Variants in MICALL1 observed in about 807,000 individuals in gnomAD.
MICALL1 encodes MICAL like 1.
A neutral mutation model predicts 83.7 loss-of-function variants in MICALL1; 61 were observed. That is an observed-to-expected ratio of 0.73 (90% CI 0.59 to 0.90). The LOEUF (loss-of-function observed/expected upper bound fraction) is 0.90, where lower values mean the gene tolerates loss of function less well. Among genes scored for constraint, MICALL1 ranks in the 40% least tolerant of loss-of-function variants. The pLI, the probability that MICALL1 is intolerant of heterozygous loss-of-function variation, is 0.00. For synonymous variants in MICALL1, 481 were observed against 473.6 expected (o/e 1.02, Z -0.20); for missense variants, 1,066 against 1,152.0 (o/e 0.93, Z 1.08).
rs796792050 is a variant in MICALL1, at chr22:37,922,073, G to A, written c.671G>A (p.Gly224Glu). The A allele has an allele frequency of 1.9e-6, 3 of 1,613,438 alleles. No homozygotes were observed. In the African/African-American group the frequency reaches 4.0e-5, roughly 22 times the overall value. The change falls in exon 6 of 16, where the codon GGG (glycine) becomes GAG (glutamate). Residue 224 changes from glycine to glutamate, a missense_variant. Coordinates refer to ENST00000215957, the MANE Select transcript of MICALL1 (RefSeq NM_033386.4). ...GAACACTGTGCCAGGCTGGGCCCGG[G>A]GACACGGTCGGGGACCAGGCCTGGG... is the stretch of plus-strand genomic sequence containing the variant. ...CAEHCARLGP[G>E]TRSGTRPGPF...
In MICALL1 at chr22:37,927,534, C is replaced by T. The variant is rs200080428; in HGVS notation, c.1589C>T (p.Pro530Leu). ...SQTAGAELLE[P>L]PAVPKSSSEP... is the part of the protein sequence containing the mutation. Reference sequence around the variant, plus strand: ...ACTGCAGGTGCAGAGCTTCTGGAGCCGCCAGCTGTGCCCAAGAGCTCCTCA... The same window carrying T: ...ACTGCAGGTGCAGAGCTTCTGGAGCTGCCAGCTGTGCCCAAGAGCTCCTCA... The change falls in exon 9 of 16, where the codon CCG becomes CTG. Residue 530 changes from proline to leucine, a missense_variant. Transcript: ENST00000215957. 4.7e-5 allele frequency: 76 copies of T among 1,613,796 alleles called. No individual in the cohort carries two copies. Among genetic ancestry groups the T allele is most frequent in the Admixed American group, 2.8e-4 (17 of 60,028 alleles).
Position 37,925,870 on chromosome 22 carries a change from A to G in MICALL1, c.1292A>G (p.Glu431Gly), listed in dbSNP as rs1264684465. 5 of 1,613,622 alleles carry G rather than the reference A, an allele frequency of 3.1e-6. 1 individual carries two copies. In the South Asian group the frequency reaches 5.5e-5, roughly 18 times the overall value. The change falls in exon 8 of 16, where the codon GAG (glutamate) becomes GGG (glycine). Residue 431 changes from glutamate to glycine, a missense_variant. Glu to Gly is a moderately conservative substitution (Grantham distance 98). Transcript: ENST00000215957. The stretch of plus-strand genomic sequence containing the variant: ...CCCTATAACCCCTTTGAGGAGGAGG[A>G]GGAGGACAAGGAGGAAGAGGCTCCA... ...SKPYNPFEEE[E>G]EDKEEEAPAA...
In MICALL1 at chr22:37,906,579, G is replaced by T; in HGVS notation, c.146+11G>T. The T allele has an allele frequency of 8.6e-7, 1 of 1,166,310 alleles. No homozygotes were observed. The highest frequency in any genetic ancestry group is 1.1e-6 in the Non-Finnish European group (1 of 940,352). The allele number at this position is 1,166,310 out of a possible 1,614,324, so 72.2% of individuals were successfully genotyped here. On this transcript the variant is annotated intron_variant, in intron 1 of 15. Coordinates refer to ENST00000215957, the MANE Select transcript of MICALL1 (RefSeq NM_033386.4). The surrounding 1 kb of genome is among the most constrained non-coding windows in gnomAD (Gnocchi z 4.4). Reference sequence around the variant, plus strand: ...CCGGCCCGACCTGCTGTGAGTGCGGGGCCCCGGGCGAGCGGGCGGCGCGGG... The same window carrying T: ...CCGGCCCGACCTGCTGTGAGTGCGGTGCCCCGGGCGAGCGGGCGGCGCGGG...
At position 37,927,404 on chromosome 22, in the gene MICALL1, C is replaced by G. The variant is rs747553706; in HGVS notation, c.1466-7C>G. On this transcript the variant is annotated splice_region_variant and splice_polypyrimidine_tract_variant and intron_variant, in intron 8 of 15. Coordinates refer to ENST00000215957, the MANE Select transcript of MICALL1 (RefSeq NM_033386.4). Reference sequence around the variant, plus strand: ...CTTGTGAGGTGTCCTGGTGCTCGTCCGCACAGCTCTCCACGCCTCCCGCCT... The same window carrying G: ...CTTGTGAGGTGTCCTGGTGCTCGTCGGCACAGCTCTCCACGCCTCCCGCCT... 1 of 1,567,282 alleles carries G rather than the reference C, an allele frequency of 6.4e-7. No individual in the cohort carries two copies. The highest frequency in any genetic ancestry group is 8.6e-7 in the Non-Finnish European group (1 of 1,157,540).
intron 13 of MICALL1, among the ~76,000 whole-genome samples, chr22:37,934,133 C>G (rs531966927): frequency 6.6e-6 from 1 of 152,212 alleles, no homozygotes; most frequent in African/African-American, 2.4e-5. Flanking sequence ...CTGGCTAGCC[C>G]GGCCCCAGGG....
rs1262513770 is a variant in MICALL1, at chr22:37,906,409, CGGGCCGCGGGGTCATGGCT to C, written c.-2_17del. Reference sequence around the variant, plus strand: ...CCCCGAAGCCAGAGCCGGAGCCGGGCGGGCCGCGGGGTCATGGCTGGGCCGCGGGGCGCGCTGCTGGCCT... The same window carrying C: ...CCCCGAAGCCAGAGCCGGAGCCGGGCGGGCCGCGGGGCGCGCTGCTGGCCT... On this transcript the variant is annotated start_lost and 5_prime_UTR_variant, in exon 1 of 16. Coordinates refer to ENST00000215957, the MANE Select transcript of MICALL1 (RefSeq NM_033386.4). This position sits in a 1 kb window ranked among gnomAD's most constrained non-coding sequence, Gnocchi z 4.4. 7 of 1,109,660 alleles carry C rather than the reference CGGGCCGCGGGGTCATGGCT, an allele frequency of 6.3e-6. No individual in the cohort carries two copies. Among genetic ancestry groups the C allele is most frequent in the Non-Finnish European group, 7.7e-6 (7 of 909,922 alleles). The allele number at this position is 1,109,660 out of a possible 1,614,324, so 68.7% of individuals were successfully genotyped here.
chr22:37,937,384 C>T (rs1569150841), intron 14 of MICALL1, among the ~76,000 whole-genome samples, 190 bp downstream of exon 14: 1 of 151,538 alleles, frequency 6.6e-6, no homozygotes, highest in Non-Finnish European at 1.5e-5. Flanking sequence ...AGGGCATCTG[C>T]TCCTTCCTCC....
At chr22:37,933,363 G>T (rs1169712232) in intron 13 of MICALL1, among the ~76,000 whole-genome samples, 4 of 152,120 alleles carry the variant, frequency 2.6e-5, no homozygotes, top group Non-Finnish European at 5.9e-5. Flanking sequence ...GACGTCCGAG[G>T]GACCAGGGAT....
chr22:37,932,986 G>T lies in MICALL1; in HGVS notation c.2235-53G>T, dbSNP rs1929883925. 34 of 1,613,200 alleles carry T rather than the reference G, an allele frequency of 2.1e-5. 1 individual carries two copies. In the South Asian group the frequency reaches 3.3e-4, roughly 16 times the overall value. ...CCTCATCAGTAACAGCGCAGGGCAG[G>T]GCAGCCGGGGCTCGGGCAGAATTGT... On this transcript the variant is annotated intron_variant, in intron 12 of 15. Coordinates refer to ENST00000215957, the MANE Select transcript of MICALL1 (RefSeq NM_033386.4). This position sits in a 1 kb window ranked among gnomAD's most constrained non-coding sequence, Gnocchi z 4.4.
chr22:37,912,415 C>G lies in MICALL1; in HGVS notation c.260C>G (p.Ser87Cys), dbSNP rs893568740. ...CTCCTGGACCCCAATGACATGGTCT[C>G]CATGAGCGTCCCTGACTGCCTCAGC... ...PALLDPNDMV[S>C]MSVPDCLSIM... is the part of the protein sequence containing the mutation. The change falls in exon 3 of 16, where the codon TCC (serine) becomes TGC (cysteine). Residue 87 changes from serine (S) to cysteine (C), a missense_variant. Physicochemically the swap from Ser to Cys is moderately radical, Grantham distance 112 (BLOSUM62 -1). Coordinates refer to ENST00000215957, the MANE Select transcript of MICALL1 (RefSeq NM_033386.4). The G allele has an allele frequency of 2.5e-6, 4 of 1,613,956 alleles. No homozygotes were observed. In the African/African-American group the frequency reaches 5.3e-5, roughly 22 times the overall value.
intron 5 of MICALL1, among the ~76,000 whole-genome samples, chr22:37,920,687 C>T (rs111399606): frequency 1.3e-5 from 2 of 151,816 alleles, no homozygotes; most frequent in South Asian, 2.1e-4. Flanking sequence ...TTTGGGAGGC[C>T]GAGGCGGGTG....
chr22:37,915,051 G>T (rs961352542), intron 3 of MICALL1, among the ~76,000 whole-genome samples: 1 of 152,080 alleles, frequency 6.6e-6, no homozygotes, highest in South Asian at 2.1e-4. Context: ...GTTGAGACCA[G>T]ACTGGGCAAC....
intron 14 of MICALL1, among the ~76,000 whole-genome samples, 198 bp downstream of exon 14, chr22:37,937,392 T>TCC (rs1320337011): frequency 6.8e-6 from 1 of 146,160 alleles, no homozygotes; most frequent in East Asian, 2.1e-4. Context: ...TGCTCCTTCC[T>TCC]CCCGTAGGAC....
chr22:37,920,149 C>A (rs1158170504), intron 5 of MICALL1, among the ~76,000 whole-genome samples: 2 of 151,902 alleles, frequency 1.3e-5, no homozygotes, highest in Non-Finnish European at 2.9e-5. Flanking sequence ...ATTACAGTAA[C>A]AACTTGCTTT....
intron 1 of MICALL1, among the ~76,000 whole-genome samples, chr22:37,911,198 C>T (rs926640498): frequency 3.9e-5 from 6 of 152,236 alleles, no homozygotes; most frequent in Non-Finnish European, 7.3e-5. Context: ...CTCACTGCTT[C>T]CCCAATGGAG....
intron 2 of MICALL1, 122 bp downstream of exon 2, chr22:37,912,122 G>A: frequency 8.0e-7 from 1 of 1,255,240 alleles, no homozygotes; most frequent in South Asian, 1.2e-5. Flanking sequence ...GGCCCTGGCT[G>A]CACCTTTCCC....
Position 37,924,718 on chromosome 22 carries a change from G to A in MICALL1, c.1082+1G>A, listed in dbSNP as rs1036717252. 1.2e-6 allele frequency: 2 copies of A among 1,612,296 alleles called. No homozygotes were observed. The highest frequency in any genetic ancestry group is 1.7e-6 in the Non-Finnish European group (2 of 1,179,042). On this transcript the variant is annotated splice_donor_variant, in intron 7 of 15. Transcript: ENST00000215957. LOFTEE classifies it high-confidence loss of function. The surrounding 1 kb of genome is among the most constrained non-coding windows in gnomAD (Gnocchi z 5.2). ...GGGGGACACCGAAGCCGTCCGAGGG[G>A]TATGTCGATCCCTGAGGGGCTTTCC...
rs1930172007 is a variant in MICALL1, at chr22:37,937,120, G to A, written c.2349G>A (p.Val783=). 6.4e-7 allele frequency: 1 copy of A among 1,551,574 alleles called. No homozygotes were observed. Among genetic ancestry groups the A allele is most frequent in the South Asian group, 1.2e-5 (1 of 84,064 alleles). ...AGGAGGACCGGGCCCGGGAGAAGGTGCTGATGCAGGAGCTTGTGACCCTCA... is the reference window on the plus strand; with the variant it reads ...AGGAGGACCGGGCCCGGGAGAAGGTACTGATGCAGGAGCTTGTGACCCTCA... ...WTEEDRAREK[V]LMQELVTLIE... The change falls in exon 14 of 16, where the codon GTG becomes GTA. Residue 783 remains valine (V), a synonymous_variant. Coordinates refer to ENST00000215957, the MANE Select transcript of MICALL1 (RefSeq NM_033386.4).
intron 13 of MICALL1, among the ~76,000 whole-genome samples, chr22:37,935,075 G>A (rs1930030121): frequency 6.7e-6 from 1 of 149,774 alleles, no homozygotes; most frequent in East Asian, 2.0e-4. Context: ...TGGGACTACA[G>A]GCACCTGCCA....
Sources: allele counts gnomAD v4.1 joint callset (sites outside exome capture counted in the v4.1 genomes callset), GRCh38; gene constraint gnomAD v4.1.1; non-coding constraint Gnocchi (gnomAD v3.1); transcripts MANE v1.5; gene names NCBI Gene and HGNC (gene_info 2026-07-23, HGNC 2026-07-21).